STK3: variants seen among roughly 807,000 people sequenced by gnomAD.
STK3 encodes the protein serine/threonine kinase 3.
STK3 carries 41 observed loss-of-function variants against 58.0 expected under a neutral mutation model. The ratio of observed to expected loss-of-function variants is 0.71; its 90% CI spans 0.55 to 0.92. The LOEUF (loss-of-function observed/expected upper bound fraction) is 0.92. STK3 is among the 40% of genes least tolerant of loss of function. STK3 has a pLI of 0.00. For synonymous variants in STK3, 170 were observed against 191.0 expected (o/e 0.89, Z 0.91); for missense variants, 479 against 602.7 (o/e 0.79, Z 2.15).
At chr8:98,918,866 A>T (rs918138058) in intron 1 of STK3, among the ~76,000 whole-genome samples, 6 of 152,036 alleles carry the variant, frequency 3.9e-5, no homozygotes, top group Non-Finnish European at 5.9e-5. Context: ...TCAGCAGAGA[A>T]TTTGACAATC....
intron 3 of STK3, among the ~76,000 whole-genome samples, chr8:98,426,835 C>G (rs1340610827): frequency 6.6e-6 from 1 of 152,052 alleles, no homozygotes; most frequent in Non-Finnish European, 1.5e-5. Flanking sequence ...GGCCCCGCGC[C>G]GAGCCGGGGG....
intron 3 of STK3, among the ~76,000 whole-genome samples, chr8:98,864,357 T>C (rs1435825280): frequency 1.3e-5 from 2 of 152,244 alleles, no homozygotes; most frequent in East Asian, 1.9e-4. Flanking sequence ...ACCATGGGGA[T>C]GGTGGAATAC....
chr8:98,739,846 A>G (rs1416868132), intron 4 of STK3, among the ~76,000 whole-genome samples: 1 of 150,548 alleles, frequency 6.6e-6, no homozygotes, highest in African/African-American at 2.5e-5. Context: ...GAAAACTTTG[A>G]AAAAAATTTA....
chr8:98,520,209 C>A (rs1825245588), intron 10 of STK3, among the ~76,000 whole-genome samples: 1 of 152,066 alleles, frequency 6.6e-6, no homozygotes, highest in African/African-American at 2.4e-5. Flanking sequence ...ATAAGCACAT[C>A]CTAAACATAA....
At chr8:98,500,961 T>C (rs965559850) in intron 10 of STK3, among the ~76,000 whole-genome samples, 33 of 152,322 alleles carry the variant, frequency 2.2e-4, no homozygotes, top group African/African-American at 7.2e-4. Context: ...TATTTCTAGT[T>C]CTAGATCCTT....
intron 6 of STK3, among the ~76,000 whole-genome samples, chr8:98,698,479 C>T (rs1162342834): frequency 2.0e-5 from 3 of 152,172 alleles, no homozygotes; most frequent in Non-Finnish European, 4.4e-5. Context: ...TACAATTTGG[C>T]ATGATTTTGC....
At chr8:98,449,738 G>GAGGA, downstream of STK3, among the ~76,000 whole-genome samples, 1 of 152,306 alleles carries the variant, frequency 6.6e-6, no homozygotes, top group South Asian at 2.1e-4. Context: ...CCAGTGGTGG[G>GAGGA]AGGAGGTGCC....
chr8:98,834,889 C>A (rs1028561270), intron 3 of STK3, among the ~76,000 whole-genome samples: 3 of 152,110 alleles, frequency 2.0e-5, no homozygotes, highest in Non-Finnish European at 2.9e-5. Flanking sequence ...TTGAGAATGA[C>A]CTTCTGATGA....
At chr8:98,837,125 C>CT (rs1399207574) in intron 3 of STK3, among the ~76,000 whole-genome samples, 1 of 152,048 alleles carries the variant, frequency 6.6e-6, no homozygotes, top group Non-Finnish European at 1.5e-5. Flanking sequence ...GTACCTGGAT[C>CT]ACACTTTAAG....
intron 8 of STK3, among the ~76,000 whole-genome samples, chr8:98,557,027 T>C (rs1026875749): frequency 1.3e-5 from 2 of 152,096 alleles, no homozygotes; most frequent in Non-Finnish European, 2.9e-5. Context: ...CTATACTTTG[T>C]CACTTGACCA....
chr8:98,749,862 T>G (rs1177461393), intron 3 of STK3, among the ~76,000 whole-genome samples: 4 of 152,124 alleles, frequency 2.6e-5, no homozygotes, highest in Admixed American at 6.5e-5. Flanking sequence ...AATTATAAAT[T>G]TTTCTGCTTA....
At chr8:98,383,374 A>G (rs1224024400) in intron 1 of STK3, among the ~76,000 whole-genome samples, 2 of 152,192 alleles carry the variant, frequency 1.3e-5, no homozygotes, top group African/African-American at 4.8e-5. Context: ...CAGGGCTCAC[A>G]GGTGTCAGAC....
intron 6 of STK3, among the ~76,000 whole-genome samples, chr8:98,672,160 T>A (rs1822878392): frequency 6.6e-6 from 1 of 152,216 alleles, no homozygotes; most frequent in African/African-American, 2.4e-5. Context: ...TTGCCCAGGC[T>A]GGTCTTGAAC....
upstream of STK3, among the ~76,000 whole-genome samples, chr8:98,826,388 C>A (rs76416678): frequency 6.6e-6 from 1 of 152,160 alleles, no homozygotes; most frequent in East Asian, 1.9e-4. Context: ...ACAAGCTCCT[C>A]GCTACATTTC....
At chr8:98,599,005 A>C in intron 6 of STK3, 3 of 581,572 alleles carry the variant, frequency 5.2e-6, no homozygotes, top group Non-Finnish European at 6.5e-6. Context: ...AGAATCAACA[A>C]TGACTGAACT....
intron 2 of STK3, among the ~76,000 whole-genome samples, chr8:98,772,544 T>A (rs1197687639): frequency 6.6e-6 from 1 of 151,854 alleles, no homozygotes; most frequent in African/African-American, 2.4e-5. Context: ...ACTAAAAATA[T>A]GAAAATTAGC....
intron 6 of STK3, among the ~76,000 whole-genome samples, chr8:98,678,033 AC>A (rs1823352933): frequency 6.6e-6 from 1 of 152,202 alleles, no homozygotes; most frequent in South Asian, 2.1e-4. Context: ...AATGAAAAAA[AC>A]ATTTAGAATG....
chr8:98,496,400 A>G (rs1823139677), intron 10 of STK3, among the ~76,000 whole-genome samples: 2 of 152,176 alleles, frequency 1.3e-5, no homozygotes, highest in South Asian at 4.1e-4. Flanking sequence ...AAGAAAACCA[A>G]TTCCATTTAC....
chr8:98,940,742 G>C (rs1277956685), intron 1 of STK3, among the ~76,000 whole-genome samples: 16 of 152,226 alleles, frequency 1.1e-4, no homozygotes, highest in Admixed American at 1.0e-3. Context: ...AACTCCCTGC[G>C]CTGGGGTCAG....
Sources: allele counts gnomAD v4.1 joint callset (sites outside exome capture counted in the v4.1 genomes callset), GRCh38; gene constraint gnomAD v4.1.1; transcripts MANE v1.5; gene names NCBI Gene and HGNC (gene_info 2026-07-23, HGNC 2026-07-21).